The following DIP2B variants were observed in gnomAD, a reference collection of about 807,000 sequenced individuals.
The protein encoded by DIP2B is DIP2 acetate--CoA ligase B (putative), also known as disco-interacting protein 2 homolog B.
DIP2B carries 76 observed loss-of-function variants against 198.0 expected under a neutral mutation model. That is an observed-to-expected ratio of 0.38 (90% CI 0.32 to 0.46). DIP2B has a LOEUF of 0.46. Among genes scored for constraint, DIP2B ranks in the 20% least tolerant of loss-of-function variants. The pLI is 0.99. For missense variants in DIP2B, 1,559 were observed against 1,978.4 expected (o/e 0.79, Z 4.02); for synonymous variants, 701 against 739.1 (o/e 0.95, Z 0.84).
intron 1 of DIP2B, 120 bp from the exon 2 acceptor site, chr12:50,625,856 C>G (rs1317697526): frequency 1.9e-6 from 2 of 1,051,328 alleles, no homozygotes; most frequent in Non-Finnish European, 2.8e-6. Flanking sequence ...ACATTCCCCC[C>G]CCCAACCCCC....
At chr12:50,553,472 G>T (rs529569334) in intron 1 of DIP2B, among the ~76,000 whole-genome samples, 1 of 152,188 alleles carries the variant, frequency 6.6e-6, no homozygotes, top group Non-Finnish European at 1.5e-5. Flanking sequence ...TGTAACAAGA[G>T]ACAGCCTGTA....
chr12:50,534,602 GATCCACCC>G, intron 1 of DIP2B, among the ~76,000 whole-genome samples: 1 of 152,022 alleles, frequency 6.6e-6, no homozygotes, highest in East Asian at 1.9e-4. Flanking sequence ...GACCTCAGCT[GATCCACCC>G]ACCTCGGCCT....
intron 1 of DIP2B, among the ~76,000 whole-genome samples, chr12:50,550,848 A>G (rs1031936088): frequency 3.3e-5 from 5 of 152,196 alleles, no homozygotes; most frequent in Non-Finnish European, 4.4e-5. Context: ...AGATGGTCCG[A>G]CACAGTGGCT....
At chr12:50,590,002 TTC>T (rs536414151) in intron 1 of DIP2B, among the ~76,000 whole-genome samples, 28 of 148,108 alleles carry the variant, frequency 1.9e-4, no homozygotes, top group Non-Finnish European at 3.6e-4. Context: ...CTCTCTCTCT[TTC>T]TCTGTCTCTC....
intron 1 of DIP2B, among the ~76,000 whole-genome samples, chr12:50,594,751 AATATTAC>A (rs1958864112): frequency 2.0e-5 from 3 of 152,340 alleles, no homozygotes; most frequent in Admixed American, 6.5e-5. Context: ...ACCCACCTCT[AATATTAC>A]ATATTAAAAG....
chr12:50,653,516 T>G (rs1057497725), intron 3 of DIP2B, among the ~76,000 whole-genome samples: 1 of 151,836 alleles, frequency 6.6e-6, no homozygotes, highest in African/African-American at 2.4e-5. Context: ...AATTTTTGTG[T>G]TTCTTTGTAG....
At chr12:50,658,929 A>G (rs529077657) in intron 3 of DIP2B, among the ~76,000 whole-genome samples, 1 of 152,304 alleles carries the variant, frequency 6.6e-6, no homozygotes, top group Admixed American at 6.5e-5. Context: ...TCTACTAAAA[A>G]TGCAAAAATT....
chr12:50,728,537 A>C lies in DIP2B; in HGVS notation c.3511-11A>C, dbSNP rs1485155365. Reference sequence around the variant, plus strand: ...ACAGTCCCAGCCTGTTCCATTTTCCATACTTTCCAGATGTCCCACTCTGCA... The same window carrying C: ...ACAGTCCCAGCCTGTTCCATTTTCCCTACTTTCCAGATGTCCCACTCTGCA... On this transcript the variant is annotated splice_polypyrimidine_tract_variant and intron_variant, in intron 29 of 37. Transcript: ENST00000301180. 5 of 1,612,258 alleles carry C rather than the reference A, an allele frequency of 3.1e-6. No homozygotes were observed. Among genetic ancestry groups the C allele is most frequent in the Non-Finnish European group, 4.2e-6 (5 of 1,178,796 alleles).
chr12:50,554,336 CTA>C (rs1026377965), intron 1 of DIP2B, among the ~76,000 whole-genome samples: 61 of 152,194 alleles, frequency 4.0e-4, no homozygotes, highest in African/African-American at 1.4e-3. Context: ...TAAGTTATGA[CTA>C]TGTAAATGCT....
intron 1 of DIP2B, among the ~76,000 whole-genome samples, chr12:50,526,085 T>C (rs1565812941): frequency 6.6e-6 from 1 of 152,220 alleles, no homozygotes; most frequent in Non-Finnish European, 1.5e-5. Context: ...GATTTTACTG[T>C]CTTGTTCCCT....
chr12:50,540,053 G>GTGTTTTTTTTTTTTTTTTT (rs1958306331), intron 1 of DIP2B, among the ~76,000 whole-genome samples: 1 of 44,142 alleles, frequency 2.3e-5, no homozygotes, highest in Non-Finnish European at 3.9e-5. Context: ...TTGTTTCTGT[G>GTGTTTTTTTTTTTTTTTTT]TTTTTTTTTT....
intron 34 of DIP2B, among the ~76,000 whole-genome samples, chr12:50,735,922 A>C (rs2139602631): frequency 6.6e-6 from 1 of 152,356 alleles, no homozygotes; most frequent in East Asian, 1.9e-4. Context: ...TGTGGGAGTA[A>C]GATTTCTTAG....
At position 50,537,114 on chromosome 12, in the gene DIP2B, A is replaced by ATTTTTTTTTTTT. The variant is rs34202995; in HGVS notation, c.100+31890_100+31901dup. Among the ~76,000 whole-genome samples the ATTTTTTTTTTTT allele has an allele frequency of 3.5e-3, 113 of 32,208 alleles. 13 individuals are homozygous for ATTTTTTTTTTTT. Among genetic ancestry groups the ATTTTTTTTTTTT allele is most frequent in the East Asian group, 8.5e-3 (4 of 468 alleles). The allele number at this position is 32,208 out of a possible 152,430, so 21.1% of individuals were successfully genotyped here. A position where few individuals can be genotyped will look rare whatever the true frequency, so the allele number is the denominator to read the frequency against. Reference sequence around the variant, plus strand: ...CAGATTGCTTGTTTATTATTCTCTAATTTTTTTTTTTTTTTTTTTTTTTTT... The same window carrying ATTTTTTTTTTTT: ...CAGATTGCTTGTTTATTATTCTCTAATTTTTTTTTTTTTTTTTTTTTTTTTTTTTTTTTTTTT... On this transcript the variant is annotated intron_variant, in intron 1 of 37. Coordinates refer to ENST00000301180, the MANE Select transcript of DIP2B (RefSeq NM_173602.3).
chr12:50,721,133 A>AT, intron 25 of DIP2B, 140 bp from the exon 26 acceptor site: 1 of 1,307,678 alleles, frequency 7.6e-7, no homozygotes. Flanking sequence ...TGCTAAGGGA[A>AT]TTTTCACTAG....
At chr12:50,707,725 TG>T (rs1939539793) in intron 21 of DIP2B, among the ~76,000 whole-genome samples, 1 of 150,698 alleles carries the variant, frequency 6.6e-6, no homozygotes, top group South Asian at 2.1e-4. Context: ...CACATGGGGG[TG>T]GGGGTGGCCT....
At chr12:50,600,523 G>A (rs1317127087) in intron 1 of DIP2B, among the ~76,000 whole-genome samples, 2 of 152,086 alleles carry the variant, frequency 1.3e-5, no homozygotes, top group Non-Finnish European at 2.9e-5. Flanking sequence ...GGTGCACCTG[G>A]CCTGGGATTA....
intron 1 of DIP2B, among the ~76,000 whole-genome samples, chr12:50,559,313 C>CT (rs11301460): frequency 0.043 from 5,255 of 123,010 alleles, 162 homozygotes; most frequent in Non-Finnish European, 0.049. Context: ...AATTATTTGT[C>CT]TTTTTTTTTT....
At chr12:50,595,737 T>G (rs1427559450) in intron 1 of DIP2B, among the ~76,000 whole-genome samples, 1 of 152,204 alleles carries the variant, frequency 6.6e-6, no homozygotes, top group East Asian at 1.9e-4. Context: ...CAGCAACAAG[T>G]CTGTGTATTG....
intron 2 of DIP2B, among the ~76,000 whole-genome samples, chr12:50,637,195 C>T (rs1244945104): frequency 6.6e-6 from 1 of 152,152 alleles, no homozygotes; most frequent in African/African-American, 2.4e-5. Context: ...TCACATGGTG[C>T]TGTTGTGAAG....
Sources: gnomAD v4.1 joint callset for allele counts (sites outside exome capture counted in the v4.1 genomes callset) on GRCh38, gnomAD v4.1.1 for gene constraint, MANE v1.5 for transcripts, NCBI Gene and HGNC (gene_info 2026-07-23, HGNC 2026-07-21) for gene names.